The following SH2D3C variants were observed in gnomAD, a reference collection of about 807,000 sequenced individuals.
SH2D3C encodes SH2 domain containing 3C.
Under a neutral mutation model 75.2 loss-of-function variants are expected in SH2D3C, and 25 were observed. The ratio of observed to expected loss-of-function variants is 0.33; its 90% CI spans 0.24 to 0.46. SH2D3C has a LOEUF of 0.46. SH2D3C is among the 20% of genes least tolerant of loss of function. The probability of loss-of-function intolerance (pLI) is 1.00; values close to 1 mark genes in which losing one functional copy is unlikely to be tolerated. For missense variants in SH2D3C, 933 were observed against 1,165.3 expected (o/e 0.80, Z 2.90); for synonymous variants, 450 against 473.7 (o/e 0.95, Z 0.65).
In SH2D3C at chr9:127,754,659, C is replaced by T. The variant is rs373238494; in HGVS notation, c.556-3359G>A. 5.9e-5 allele frequency among the ~76,000 whole-genome samples: 9 copies of T among 152,146 alleles called. No homozygotes were observed. Among genetic ancestry groups the T allele is most frequent in the East Asian group, 1.9e-4 (1 of 5,184 alleles). On this transcript the variant is annotated intron_variant, in intron 3 of 11. Transcript: ENST00000314830. The surrounding 1 kb of genome is among the most constrained non-coding windows in gnomAD (Gnocchi z 4.4). ...CGAAGCATCCCCCGCGTTTCCTGCT[C>T]CTCACTCAGTCTTCAGATCCCAGTC...
At chr9:127,762,294 C>T (rs1473595991) in intron 2 of SH2D3C, 9 of 1,280,402 alleles carry the variant, frequency 7.0e-6, no homozygotes, top group South Asian at 1.3e-5. Context: ...TGAGGGCCAC[C>T]GTGAACCACT....
At chr9:127,743,707 C>T (rs893789519) in intron 7 of SH2D3C, among the ~76,000 whole-genome samples, 10 of 152,142 alleles carry the variant, frequency 6.6e-5, no homozygotes, top group Non-Finnish European at 1.2e-4. Context: ...TTGCTTCCCG[C>T]GCTCTGAGAC....
In SH2D3C at chr9:127,754,852, C is replaced by T. The variant is rs138016033; in HGVS notation, c.556-3552G>A. The T allele has an allele frequency of 6.0e-6, 3 of 498,158 alleles. No individual in the cohort carries two copies. In the East Asian group the frequency reaches 1.9e-4, roughly 31 times the overall value. 30.9% of individuals were successfully genotyped at this position (498,158 alleles called of 1,614,324 possible). A position where few individuals can be genotyped will look rare whatever the true frequency, so the allele number is the denominator to read the frequency against. On this transcript the variant is annotated intron_variant, in intron 3 of 11. Transcript: ENST00000314830. The surrounding 1 kb of genome is among the most constrained non-coding windows in gnomAD (Gnocchi z 4.4). ...GAAACGGACCGGCATCTACCGCAGC[C>T]CAGAGTCCCAGGAGTGGCCGCCGAA...
chr9:127,738,701 G>T lies in SH2D3C; in HGVS notation c.*45C>A. The T allele has an allele frequency of 1.3e-6, 2 of 1,511,436 alleles. No homozygotes were observed. The highest frequency in any genetic ancestry group is 8.9e-7 in the Non-Finnish European group (1 of 1,121,828). The allele number at this position is 1,511,436 out of a possible 1,614,324, so 93.6% of individuals were successfully genotyped here. A position where few individuals can be genotyped will look rare whatever the true frequency, so the allele number is the denominator to read the frequency against. The stretch of plus-strand genomic sequence containing the variant: ...TCTGGGGAAAGTTGTGTGCCCCTCT[G>T]CCCCTGACGCTGTCCGCAGCTGCAG... On this transcript the variant is annotated 3_prime_UTR_variant, in exon 12 of 12. Coordinates refer to ENST00000314830, the MANE Select transcript of SH2D3C (RefSeq NM_170600.3). The surrounding 1 kb of genome is among the most constrained non-coding windows in gnomAD (Gnocchi z 5.0).
intron 2 of SH2D3C, among the ~76,000 whole-genome samples, chr9:127,772,473 G>A (rs1319409828): frequency 6.6e-6 from 1 of 152,108 alleles, no homozygotes; most frequent in Non-Finnish European, 1.5e-5. Flanking sequence ...CTTTGGCCAG[G>A]CTGGTCTCGA....
chr9:127,774,038 G>T lies in SH2D3C; in HGVS notation c.467C>A (p.Thr156Lys). The change falls in exon 2 of 12, where the codon ACA (threonine) becomes AAA (lysine). Residue 156 changes from threonine (T) to lysine (K), a missense_variant. Transcript: ENST00000314830. This position sits in a 1 kb window ranked among gnomAD's most constrained non-coding sequence, Gnocchi z 4.3. ...AGGTCTCTCCTCTTCTACGTCTCCT[G>T]TGGGGACCTCAGGCTTTCTGATGGG... ...VDPIRKPEVPTGDVEEERPPR... is the reference protein window; with the variant it reads ...VDPIRKPEVPKGDVEEERPPR... The T allele has an allele frequency of 6.2e-7, 1 of 1,614,168 alleles. No homozygotes were observed. Among genetic ancestry groups the T allele is most frequent in the Non-Finnish European group, 8.5e-7 (1 of 1,179,998 alleles).
At chr9:127,771,329 C>G (rs1200083626) in intron 2 of SH2D3C, 2 of 1,412,774 alleles carry the variant, frequency 1.4e-6, no homozygotes, top group Non-Finnish European at 1.8e-6. Flanking sequence ...TGCCGGACTC[C>G]GGGGGCGGAG....
At chr9:127,748,515 C>T (rs1259116059) in intron 5 of SH2D3C, among the ~76,000 whole-genome samples, 1 of 152,204 alleles carries the variant, frequency 6.6e-6, no homozygotes, top group Admixed American at 6.5e-5. Flanking sequence ...GGGTTTGAAT[C>T]TTGATCCTAC....
At chr9:127,761,748 G>A in intron 2 of SH2D3C, 98 bp from the exon 3 acceptor site, 1 of 979,730 alleles carries the variant, frequency 1.0e-6, no homozygotes, top group Non-Finnish European at 1.6e-6. Flanking sequence ...CTGGCCCTTA[G>A]GACCCCAGCA....
At chr9:127,773,014 A>G (rs1292312773) in intron 2 of SH2D3C, among the ~76,000 whole-genome samples, 1 of 151,778 alleles carries the variant, frequency 6.6e-6, no homozygotes, top group Non-Finnish European at 1.5e-5. Context: ...TTGTATTTTT[A>G]GTAGAGACGG....
Position 127,774,486 on chromosome 9 carries a change from A to G in SH2D3C, c.38-19T>C. On this transcript the variant is annotated intron_variant, in intron 1 of 11. Coordinates refer to ENST00000314830, the MANE Select transcript of SH2D3C (RefSeq NM_170600.3). The surrounding 1 kb of genome is among the most constrained non-coding windows in gnomAD (Gnocchi z 4.3). ...AAGAACTCTAGCAGAGGGGAAGGGA[A>G]GGAAAAGAAGTTAATGACAATGTCA... The G allele has an allele frequency of 8.3e-7, 1 of 1,204,948 alleles. No individual in the cohort carries two copies. The highest frequency in any genetic ancestry group is 1.2e-6 in the Non-Finnish European group (1 of 811,624). The allele number at this position is 1,204,948 out of a possible 1,614,324, so 74.6% of individuals were successfully genotyped here. A position where few individuals can be genotyped will look rare whatever the true frequency, so the allele number is the denominator to read the frequency against.
chr9:127,775,948 C>T (rs570700168), intron 1 of SH2D3C, among the ~76,000 whole-genome samples: 2 of 152,214 alleles, frequency 1.3e-5, no homozygotes, highest in South Asian at 2.1e-4. Flanking sequence ...CCTGCCTCAG[C>T]CTCCCGAGTA....
At position 127,751,426 on chromosome 9, in the gene SH2D3C, C is replaced by T; in HGVS notation, c.556-126G>A. 1.1e-6 allele frequency: 1 copy of T among 884,460 alleles called. No individual in the cohort carries two copies. The allele number at this position is 884,460 out of a possible 1,614,324, so 54.8% of individuals were successfully genotyped here. On this transcript the variant is annotated intron_variant, in intron 3 of 11. Transcript: ENST00000314830. The surrounding 1 kb of genome is among the most constrained non-coding windows in gnomAD (Gnocchi z 4.1). ...CTCTGGGAACACTAAGGCACAGGTGCCAGACCCTTTCCCATGGGTCCCAGA... is the reference window on the plus strand; with the variant it reads ...CTCTGGGAACACTAAGGCACAGGTGTCAGACCCTTTCCCATGGGTCCCAGA...
intron 2 of SH2D3C, chr9:127,771,239 G>A (rs1179342869): frequency 2.6e-6 from 4 of 1,543,382 alleles, no homozygotes; most frequent in African/African-American, 1.4e-5. Flanking sequence ...TGCTTCCCCC[G>A]CTGTCGCCGC....
chr9:127,755,977 G>A (rs1845369088), intron 3 of SH2D3C, among the ~76,000 whole-genome samples: 1 of 152,224 alleles, frequency 6.6e-6, no homozygotes, highest in African/African-American at 2.4e-5. Flanking sequence ...ATAAGTGCAC[G>A]CTATTATTTT....
At chr9:127,771,349 T>C (rs1212186222) in intron 2 of SH2D3C, 42 of 1,372,910 alleles carry the variant, frequency 3.1e-5, no homozygotes, top group Non-Finnish European at 3.9e-5. Flanking sequence ...GACTGACCTG[T>C]AGACCACGCC....
chr9:127,770,157 A>G (rs869386), intron 2 of SH2D3C, among the ~76,000 whole-genome samples: 98,069 of 151,860 alleles, frequency 0.65, 32,468 homozygotes, highest in East Asian at 0.97. Flanking sequence ...TTTTTTAGCC[A>G]GGGGAGCTAA....
In SH2D3C at chr9:127,742,831, G is replaced by A. The variant is rs766167327; in HGVS notation, c.1916+18C>T. 6.3e-7 allele frequency: 1 copy of A among 1,595,362 alleles called. No homozygotes were observed. The highest frequency in any genetic ancestry group is 8.6e-7 in the Non-Finnish European group (1 of 1,167,614). On this transcript the variant is annotated intron_variant, in intron 8 of 11. Transcript: ENST00000314830. ...CCGGGGGTTCCCCGCGAGTCCCCGG[G>A]TGCCGGCGCTGTCTCACCTTTCCAG...
rs373309627 is a variant in SH2D3C, at chr9:127,761,164, G to A, written c.555+447C>T. Among the ~76,000 whole-genome samples the A allele has an allele frequency of 2.6e-5, 4 of 152,270 alleles. No individual in the cohort carries two copies. The South Asian group carries it at 8.3e-4, about 32-fold the overall frequency. ...CCAAAACTGCATTTCAATGTTCCCA[G>A]TACCCAGGATAAATGAAGCTTTGGA... On this transcript the variant is annotated intron_variant, in intron 3 of 11. Coordinates refer to ENST00000314830, the MANE Select transcript of SH2D3C (RefSeq NM_170600.3).
Sources: allele counts gnomAD v4.1 joint callset (sites outside exome capture counted in the v4.1 genomes callset), GRCh38; gene constraint gnomAD v4.1.1; non-coding constraint Gnocchi (gnomAD v3.1); transcripts MANE v1.5; gene names NCBI Gene and HGNC (gene_info 2026-07-23, HGNC 2026-07-21).